The following NEFH variants were observed in gnomAD, a reference collection of about 807,000 sequenced individuals.
NEFH encodes the protein neurofilament heavy chain.
A neutral mutation model predicts 56.6 loss-of-function variants in NEFH; 58 were observed. That is an observed-to-expected ratio of 1.03 (90% CI 0.83 to 1.28). NEFH has a LOEUF of 1.28. Among genes scored for constraint, NEFH ranks in the 50% most tolerant of loss-of-function variants. The pLI, the probability that NEFH is intolerant of heterozygous loss-of-function variation, is 0.00. For missense variants in NEFH, 1,221 were observed against 1,307.6 expected (o/e 0.93, Z 1.02); for synonymous variants, 542 against 545.8 (o/e 0.99, Z 0.10).
chr22:29,488,759 T>C (rs2063058120), intron 3 of NEFH, 90 bp from the exon 4 acceptor site: 5 of 1,204,330 alleles, frequency 4.2e-6, no homozygotes, highest in Non-Finnish European at 6.2e-6. Context: ...TATCATTCGA[T>C]GTCAGTGACC....
Position 29,480,519 on chromosome 22 carries a change from G to A in NEFH, c.257G>A (p.Gly86Asp), listed in dbSNP as rs1184149717. 4 of 1,535,798 alleles carry A rather than the reference G, an allele frequency of 2.6e-6. No homozygotes were observed. Among genetic ancestry groups the A allele is most frequent in the Admixed American group, 2.0e-5 (1 of 51,026 alleles). The change falls in exon 1 of 4, where the codon GGC becomes GAC. Residue 86 changes from glycine to aspartate, a missense_variant. Around this residue, in one of 4 missense-constraint regions of NEFH, gnomAD observed 640 missense variants for 555.5 expected, o/e 1.15. Transcript: ENST00000310624. The part of the protein sequence containing the change: ...SLDTLSNGPE[G>D]CMVAVATSRS... ...GACACGCTGAGCAACGGGCCGGAGG[G>A]CTGCATGGTGGCGGTGGCCACCTCA...
rs761501605 is a variant in NEFH, at chr22:29,480,641, G to T, written c.379G>T (p.Gly127Cys). 6.4e-7 allele frequency: 1 copy of T among 1,562,240 alleles called. No homozygotes were observed. The highest frequency in any genetic ancestry group is 1.3e-5 in the African/African-American group (1 of 74,394). ...QLEAHNRSLE[G>C]EAAALRQQQA... is the part of the protein sequence containing the mutation. Reference sequence around the variant, plus strand: ...GGAGGCGCACAACCGCAGCCTGGAGGGCGAGGCTGCGGCGCTGCGGCAGCA... The same window carrying T: ...GGAGGCGCACAACCGCAGCCTGGAGTGCGAGGCTGCGGCGCTGCGGCAGCA... The change falls in exon 1 of 4, where the codon GGC becomes TGC. Residue 127 changes from glycine to cysteine, a missense_variant. Gly to Cys is a radical substitution (Grantham distance 159). Transcript: ENST00000310624.
In NEFH at chr22:29,480,856, G is replaced by T; in HGVS notation, c.594G>T (p.Ala198=). Residue 198 remains alanine, a synonymous_variant, in exon 1 of 4, where the codon GCG becomes GCT. Coordinates refer to ENST00000310624, the MANE Select transcript of NEFH (RefSeq NM_021076.4). ...EARQREEAEA[A]ARALARFAQE... Reference sequence around the variant, plus strand: ...GGCAGCGAGAGGAGGCCGAGGCGGCGGCCCGCGCGCTGGCGCGCTTCGCGC... The same window carrying T: ...GGCAGCGAGAGGAGGCCGAGGCGGCTGCCCGCGCGCTGGCGCGCTTCGCGC... 1 of 1,395,468 alleles carries T rather than the reference G, an allele frequency of 7.2e-7. No homozygotes were observed. Among genetic ancestry groups the T allele is most frequent in the Non-Finnish European group, 9.2e-7 (1 of 1,087,354 alleles). 86.4% of individuals were successfully genotyped at this position (1,395,468 alleles called of 1,614,324 possible).
chr22:29,485,231 T>G (rs2146396066), intron 2 of NEFH, among the ~76,000 whole-genome samples: 1 of 152,242 alleles, frequency 6.6e-6, no homozygotes, highest in African/African-American at 2.4e-5. Flanking sequence ...GCCTCCCAAG[T>G]AGCTGGGATT....
chr22:29,484,746 C>A (rs961961959), intron 2 of NEFH, among the ~76,000 whole-genome samples: 1 of 152,076 alleles, frequency 6.6e-6, no homozygotes, highest in Admixed American at 6.5e-5. Context: ...GTCATCAATG[C>A]CTACCAAACC....
chr22:29,480,672 CG>C lies in NEFH; in HGVS notation c.413del (p.Gly138AlafsTer48). ...GEAAALRQQQ[A>X]GRSAMGELYE... Reference sequence around the variant, plus strand: ...GCTGCGGCGCTGCGGCAGCAGCAGGCGGGCCGCTCCGCTATGGGCGAGCTGT... The same window carrying C: ...GCTGCGGCGCTGCGGCAGCAGCAGGCGGCCGCTCCGCTATGGGCGAGCTGT... On this transcript the variant is annotated frameshift_variant, in exon 1 of 4. Transcript: ENST00000310624. LOFTEE classifies it high-confidence loss of function. 6.5e-7 allele frequency: 1 copy of C among 1,545,504 alleles called. No individual in the cohort carries two copies. Among genetic ancestry groups the C allele is most frequent in the East Asian group, 2.4e-5 (1 of 42,116 alleles).
chr22:29,485,777 GC>G lies in NEFH; in HGVS notation c.1141del (p.Gln381SerfsTer17). On this transcript the variant is annotated frameshift_variant, in exon 3 of 4. Coordinates refer to ENST00000310624, the MANE Select transcript of NEFH (RefSeq NM_021076.4). LOFTEE classifies it high-confidence loss of function. ...ELRNTKWEMA[A>X]QLREYQDLLN... is the part of the protein sequence containing the mutation. ...GAGGAACACCAAGTGGGAGATGGCCGCCCAGCTGCGAGAATACCAGGACCTG... is the reference window on the plus strand; with the variant it reads ...GAGGAACACCAAGTGGGAGATGGCCGCCAGCTGCGAGAATACCAGGACCTG... 1 of 1,614,158 alleles carries G rather than the reference GC, an allele frequency of 6.2e-7. No homozygotes were observed. The highest frequency in any genetic ancestry group is 8.5e-7 in the Non-Finnish European group (1 of 1,179,998).
At chr22:29,485,382 C>CT (rs1437344583) in intron 2 of NEFH, among the ~76,000 whole-genome samples, 1 of 152,204 alleles carries the variant, frequency 6.6e-6, no homozygotes, top group Non-Finnish European at 1.5e-5. Flanking sequence ...GGAATACAGG[C>CT]TTGAGCCACC....
At chr22:29,487,469 CA>C (rs60393645) in intron 3 of NEFH, among the ~76,000 whole-genome samples, 232 of 139,562 alleles carry the variant, frequency 1.7e-3, no homozygotes, top group Non-Finnish European at 1.8e-3. Context: ...ACAAAAAATA[CA>C]AAAAAAAAAA....
At chr22:29,482,303 C>G (rs563443695) in intron 1 of NEFH, among the ~76,000 whole-genome samples, 9 of 152,196 alleles carry the variant, frequency 5.9e-5, no homozygotes, top group Non-Finnish European at 7.3e-5. Flanking sequence ...TTGTACTGGC[C>G]CACTCAGCTG....
chr22:29,483,481 A>G lies in NEFH; in HGVS notation c.990A>G (p.Thr330=), dbSNP rs1196374899. ...GGCGTCAGCTGCAGGCCAGGACCAC[A>G]GAGCTGGAGGCACTGAAAAGCACCA... The part of the protein sequence containing the change: ...EYRRQLQART[T]ELEALKSTKD... The change falls in exon 2 of 4, where the codon ACA becomes ACG. Residue 330 remains threonine, a synonymous_variant. Transcript: ENST00000310624. 1 of 1,614,088 alleles carries G rather than the reference A, an allele frequency of 6.2e-7. No homozygotes were observed.
At position 29,490,917 on chromosome 22, in the gene NEFH, C is replaced by T. The variant is rs533220152; in HGVS notation, c.*214C>T. 421 of 805,650 alleles carry T rather than the reference C, an allele frequency of 5.2e-4. No homozygotes were observed. The highest frequency in any genetic ancestry group is 1.2e-3 in the Admixed American group (48 of 40,568). 49.9% of individuals were successfully genotyped at this position (805,650 alleles called of 1,614,324 possible). A position where few individuals can be genotyped will look rare whatever the true frequency, so the allele number is the denominator to read the frequency against. Reference sequence around the variant, plus strand: ...CCCCTGCCCCCAGGCCCTCCCCAGGCGATGGACAATTATGATAGCTTATGT... The same window carrying T: ...CCCCTGCCCCCAGGCCCTCCCCAGGTGATGGACAATTATGATAGCTTATGT... On this transcript the variant is annotated 3_prime_UTR_variant, in exon 4 of 4. Transcript: ENST00000310624.
chr22:29,484,831 G>A (rs1473282472), intron 2 of NEFH, among the ~76,000 whole-genome samples: 1 of 151,678 alleles, frequency 6.6e-6, no homozygotes, highest in Non-Finnish European at 1.5e-5. Context: ...GCTCCCACTG[G>A]GTTTTTTTTT....
intron 3 of NEFH, among the ~76,000 whole-genome samples, chr22:29,486,074 G>A (rs1171545011): frequency 1.3e-5 from 2 of 152,120 alleles, no homozygotes; most frequent in Admixed American, 1.3e-4. Context: ...GTTGAAGTAT[G>A]GTGGTGCGAT....
In NEFH at chr22:29,481,087, C is replaced by T. The variant is rs1369471877; in HGVS notation, c.825C>T (p.Arg275=). 3.3e-6 allele frequency: 5 copies of T among 1,531,928 alleles called. No individual in the cohort carries two copies. Among genetic ancestry groups the T allele is most frequent in the Non-Finnish European group, 4.4e-6 (5 of 1,145,856 alleles). 94.9% of individuals were successfully genotyped at this position (1,531,928 alleles called of 1,614,324 possible). ...CDVTSALREI[R]AQLEGHAVQS... ...TGACGTCGGCGCTGCGCGAGATTCG[C>T]GCGCAGCTTGAAGGCCACGCGGTGC... The change falls in exon 1 of 4, where the codon CGC becomes CGT. Residue 275 remains arginine, a synonymous_variant. Transcript: ENST00000310624.
In NEFH at chr22:29,490,052, G is replaced by A. The variant is rs1389254337; in HGVS notation, c.2412G>A (p.Lys804=). The A allele has an allele frequency of 6.2e-7, 1 of 1,613,834 alleles. No homozygotes were observed. Among genetic ancestry groups the A allele is most frequent in the Non-Finnish European group, 8.5e-7 (1 of 1,179,888 alleles). The change falls in exon 4 of 4, where the codon AAG becomes AAA. Residue 804 remains lysine, a synonymous_variant. Coordinates refer to ENST00000310624, the MANE Select transcript of NEFH (RefSeq NM_021076.4). ...KSPEKAKSPL[K]EDAKAPEKEI... The stretch of plus-strand genomic sequence containing the variant: ...CAGAGAAGGCGAAATCTCCCCTGAA[G>A]GAGGATGCCAAGGCCCCTGAGAAGG...
Position 29,490,390 on chromosome 22 carries a change from AG to A in NEFH, c.2752del (p.Glu918LysfsTer11), listed in dbSNP as rs766193278. 3 of 1,613,080 alleles carry A rather than the reference AG, an allele frequency of 1.9e-6. No individual in the cohort carries two copies. In the East Asian group the frequency reaches 6.7e-5, roughly 36 times the overall value. The part of the protein sequence containing the change: ...EKEAPAKVEV[K>X]EDAKPKEKTE... ...GAGGCTCCTGCCAAGGTGGAGGTGA[AG>A]GAAGACGCTAAACCCAAAGAAAAGA... On this transcript the variant is annotated frameshift_variant, in exon 4 of 4. Transcript: ENST00000310624. LOFTEE classifies it high-confidence loss of function.
In NEFH at chr22:29,490,233, C is replaced by T. The variant is rs375828979; in HGVS notation, c.2593C>T (p.Pro865Ser). ...EKKDSKKEEA[P>S]KKEAPKPKVE... ...GAAGGACAGCAAGAAAGAGGAGGCA[C>T]CCAAGAAGGAGGCTCCAAAGCCCAA... Residue 865 changes from proline to serine, a missense_variant, in exon 4 of 4, where the codon CCC becomes TCC. By Grantham distance (74) the Pro-to-Ser change is moderately conservative. Around this residue, in one of 4 missense-constraint regions of NEFH, gnomAD observed 301 missense variants for 346.6 expected, o/e 0.87. Transcript: ENST00000310624. 5 of 1,610,658 alleles carry T rather than the reference C, an allele frequency of 3.1e-6. No individual in the cohort carries two copies. In the Admixed American group the frequency reaches 5.1e-5, roughly 16 times the overall value.
chr22:29,482,675 G>A (rs775522540), intron 1 of NEFH, among the ~76,000 whole-genome samples: 3 of 152,238 alleles, frequency 2.0e-5, no homozygotes, highest in Non-Finnish European at 4.4e-5. Flanking sequence ...CCACAAACCT[G>A]CAGCCTCCAG....
Sources: allele counts gnomAD v4.1 joint callset (sites outside exome capture counted in the v4.1 genomes callset), GRCh38; gene constraint gnomAD v4.1.1; regional missense constraint gnomAD v4.1.1; transcripts MANE v1.5; gene names NCBI Gene and HGNC (gene_info 2026-07-23, HGNC 2026-07-21).